The following COMMD1 variants were observed in gnomAD, a reference collection of about 807,000 sequenced individuals.
COMMD1 encodes COMM domain-containing protein 1.
Under a neutral mutation model 17.2 loss-of-function variants are expected in COMMD1, and 10 were observed. That is an observed-to-expected ratio of 0.58 (90% CI 0.36 to 0.99). COMMD1 has a LOEUF of 0.99. Among genes scored for constraint, COMMD1 ranks in the 50% least tolerant of loss-of-function variants. COMMD1 has a pLI of 0.01. For missense variants in COMMD1, 270 were observed against 231.8 expected (o/e 1.17, Z -1.07); for synonymous variants, 97 against 91.6 (o/e 1.06, Z -0.34).
chr2:61,927,214 A>G (rs147869716), intron 1 of COMMD1, among the ~76,000 whole-genome samples: 62 of 152,316 alleles, frequency 4.1e-4, no homozygotes, highest in Non-Finnish European at 6.6e-4. Flanking sequence ...ACTTCAGGCT[A>G]CCTTTTTTGT....
At chr2:62,063,869 AT>A (rs1402884035) in intron 2 of COMMD1, among the ~76,000 whole-genome samples, 611 of 8,408 alleles carry the variant, frequency 0.073, 16 homozygotes, top group African/African-American at 0.2. Flanking sequence ...TCTCTACAAA[AT>A]ATATATATAT....
intron 2 of COMMD1, among the ~76,000 whole-genome samples, chr2:62,001,928 G>T (rs367571094): frequency 6.6e-6 from 1 of 152,064 alleles, no homozygotes; most frequent in East Asian, 1.9e-4. Context: ...AGCACTTTGG[G>T]AGGCTGAGGT....
chr2:61,924,182 G>A (rs1670263886), intron 1 of COMMD1, among the ~76,000 whole-genome samples: 2 of 152,174 alleles, frequency 1.3e-5, no homozygotes, highest in Non-Finnish European at 2.9e-5. Flanking sequence ...CAGGTGAGGA[G>A]ACCATATGGA....
chr2:62,121,371 C>CAAAAAAAAAAAAAAAAAAAAAA (rs55789110), intron 2 of COMMD1, among the ~76,000 whole-genome samples: 2 of 47,230 alleles, frequency 4.2e-5, no homozygotes, highest in African/African-American at 1.9e-4. Flanking sequence ...GACTCTTTCT[C>CAAAAAAAAAAAAAAAAAAAAAA]AAAAAAAAAA....
intron 1 of COMMD1, among the ~76,000 whole-genome samples, chr2:61,925,432 CG>C: frequency 6.6e-6 from 1 of 151,770 alleles, no homozygotes; most frequent in African/African-American, 2.4e-5. Flanking sequence ...GGCTGCATCC[CG>C]GGGTTGTTTG....
chr2:62,093,260 A>G (rs970488497), intron 2 of COMMD1, among the ~76,000 whole-genome samples: 5 of 152,214 alleles, frequency 3.3e-5, no homozygotes, highest in African/African-American at 7.2e-5. Flanking sequence ...AAAAGGTCCT[A>G]TTGGCAAAGG....
At chr2:62,006,922 G>C (rs1669136794) in intron 2 of COMMD1, among the ~76,000 whole-genome samples, 1 of 152,078 alleles carries the variant, frequency 6.6e-6, no homozygotes, top group Middle Eastern at 3.2e-3. Flanking sequence ...TTTTAGGCTT[G>C]AATTTGGGTA....
chr2:61,927,726 G>T (rs1343170289), intron 1 of COMMD1, among the ~76,000 whole-genome samples: 1 of 151,810 alleles, frequency 6.6e-6, no homozygotes, highest in Non-Finnish European at 1.5e-5. Context: ...TTGTAGCGTT[G>T]TCTGTTGAGA....
chr2:62,105,908 C>T (rs1412108857), intron 2 of COMMD1, among the ~76,000 whole-genome samples: 3 of 152,200 alleles, frequency 2.0e-5, no homozygotes, highest in Admixed American at 6.5e-5. Context: ...TTGGGGATTA[C>T]AATTCAACAT....
intron 2 of COMMD1, among the ~76,000 whole-genome samples, chr2:62,082,837 CAT>C (rs1322209379): frequency 6.6e-6 from 1 of 152,124 alleles, no homozygotes; most frequent in African/African-American, 2.4e-5. Flanking sequence ...AAATAGGTAA[CAT>C]ATATGCACAT....
At chr2:62,102,250 G>A (rs1672202647) in intron 2 of COMMD1, among the ~76,000 whole-genome samples, 1 of 152,138 alleles carries the variant, frequency 6.6e-6, no homozygotes, top group South Asian at 2.1e-4. Flanking sequence ...TCTTCCATGA[G>A]ACTAGACTTA....
chr2:62,000,688 G>C lies in COMMD1; in HGVS notation c.181-13G>C. 3 of 1,613,700 alleles carry C rather than the reference G, an allele frequency of 1.9e-6. No homozygotes were observed. The highest frequency in any genetic ancestry group is 1.7e-4 in the Middle Eastern group (1 of 6,058). On this transcript the variant is annotated splice_polypyrimidine_tract_variant and intron_variant, in intron 1 of 2. Coordinates refer to ENST00000311832, the MANE Select transcript of COMMD1 (RefSeq NM_152516.4). Reference sequence around the variant, plus strand: ...TTAATTCAAATTTTTTGCTTTTTCTGTCATCTTTATAGTCTATTGCGTCTG... The same window carrying C: ...TTAATTCAAATTTTTTGCTTTTTCTCTCATCTTTATAGTCTATTGCGTCTG...
At chr2:61,947,219 G>C (rs552522156) in intron 1 of COMMD1, among the ~76,000 whole-genome samples, 10 of 151,946 alleles carry the variant, frequency 6.6e-5, no homozygotes, top group Admixed American at 1.3e-4. Flanking sequence ...TTAAACTTAT[G>C]TTTAGTAACT....
chr2:61,960,914 C>T (rs765899228), intron 1 of COMMD1, among the ~76,000 whole-genome samples: 6 of 152,190 alleles, frequency 3.9e-5, no homozygotes, highest in South Asian at 2.1e-4. Context: ...CTGATATCTG[C>T]GGCTTGGTAA....
chr2:61,889,672 T>C (rs1669374848), intron 1 of COMMD1, among the ~76,000 whole-genome samples: 1 of 151,958 alleles, frequency 6.6e-6, no homozygotes, highest in Non-Finnish European at 1.5e-5. Flanking sequence ...AAAGGGAGAT[T>C]TGGAATGAGG....
intron 2 of COMMD1, among the ~76,000 whole-genome samples, chr2:62,090,176 G>A (rs140168501): frequency 2.0e-5 from 3 of 152,142 alleles, no homozygotes; most frequent in African/African-American, 7.2e-5. Flanking sequence ...GCTATATCTG[G>A]CATAACATTT....
chr2:62,023,119 A>C (rs1669654794), intron 2 of COMMD1, among the ~76,000 whole-genome samples: 1 of 152,040 alleles, frequency 6.6e-6, no homozygotes, highest in Non-Finnish European at 1.5e-5. Flanking sequence ...CCAGCTATTT[A>C]GGAGGCTGAG....
intron 1 of COMMD1, among the ~76,000 whole-genome samples, chr2:61,941,796 G>A (rs946135985): frequency 2.0e-5 from 3 of 152,090 alleles, no homozygotes; most frequent in African/African-American, 7.2e-5. Flanking sequence ...TCCTTAAAAT[G>A]GTCATTTTTA....
At chr2:62,118,910 A>G (rs1004817185) in intron 2 of COMMD1, 3 of 152,230 alleles carry the variant, frequency 2.0e-5, no homozygotes, top group African/African-American at 4.8e-5. Flanking sequence ...GATCATCACC[A>G]TCAACCACAA....
Sources: gnomAD v4.1 joint callset for allele counts (sites outside exome capture counted in the v4.1 genomes callset) on GRCh38, gnomAD v4.1.1 for gene constraint, MANE v1.5 for transcripts, NCBI Gene and HGNC (gene_info 2026-07-23, HGNC 2026-07-21) for gene names.